SYT2: variants seen among roughly 807,000 people sequenced by gnomAD.
SYT2 encodes synaptotagmin-2.
A neutral mutation model predicts 39.9 loss-of-function variants in SYT2; 15 were observed. The observed-to-expected ratio is 0.38, with a 90% CI of 0.25 to 0.58. The LOEUF is 0.58. Ranked by LOEUF, SYT2 falls within the 20% of genes least tolerant of loss-of-function variation. The probability of loss-of-function intolerance (pLI) is 0.70; values close to 1 mark genes in which losing one functional copy is unlikely to be tolerated. For missense variants in SYT2, 389 were observed against 530.3 expected, an observed-to-expected ratio of 0.73 and a Z score of 2.62; for synonymous variants, 181 against 204.5, an observed-to-expected ratio of 0.89 and a Z score of 0.98.
chr1:202,610,701 C>T (rs1329032704), intron 1 of SYT2, among the ~76,000 whole-genome samples: 1 of 152,182 alleles, frequency 6.6e-6, no homozygotes, highest in East Asian at 1.9e-4. Flanking sequence ...AGAGCCAAAT[C>T]ATGAGTGAAC....
intron 1 of SYT2, among the ~76,000 whole-genome samples, chr1:202,678,802 C>T (rs1322653818): frequency 6.6e-6 from 1 of 152,192 alleles, no homozygotes; most frequent in Admixed American, 6.5e-5. Context: ...CAGATGACCT[C>T]CAGCTACCCA....
At chr1:202,656,583 G>C (rs1254230562) in intron 1 of SYT2, among the ~76,000 whole-genome samples, 1 of 152,204 alleles carries the variant, frequency 6.6e-6, no homozygotes, top group Non-Finnish European at 1.5e-5. Flanking sequence ...TATAAAAGCA[G>C]GAAATAATGC....
At position 202,628,779 on chromosome 1, in the gene SYT2, G is replaced by A. The variant is rs1273289779; in HGVS notation, c.-17-22990C>T. On this transcript the variant is annotated intron_variant, in intron 1 of 8. Transcript: ENST00000367268. This position sits in a 1 kb window ranked among gnomAD's most constrained non-coding sequence, Gnocchi z 4.2. ...TATGTGGATCCAAACCTAGAAGACA[G>A]CTCCGCTGAGGAAGAGGAGCCAAGT... Among the ~76,000 whole-genome samples, 1 of 152,236 alleles carries A rather than the reference G, an allele frequency of 6.6e-6. No homozygotes were observed. Among genetic ancestry groups the A allele is most frequent in the Non-Finnish European group, 1.5e-5 (1 of 68,046 alleles).
intron 1 of SYT2, among the ~76,000 whole-genome samples, chr1:202,706,434 G>A (rs141084817): frequency 3.0e-3 from 452 of 152,202 alleles, no homozygotes; most frequent in Non-Finnish European, 3.9e-3. Flanking sequence ...TACTCCTCCC[G>A]CGCCAGGCAC....
At position 202,590,694 on chromosome 1, in the gene SYT2, T is replaced by C. The variant is rs1465538956; in HGVS notation, c.*6063A>G. The C allele has an allele frequency of 6.6e-6, 1 of 150,736 alleles. No homozygotes were observed. Among genetic ancestry groups the C allele is most frequent in the Non-Finnish European group, 1.5e-5 (1 of 67,828 alleles). 9.3% of individuals were successfully genotyped at this position (150,736 alleles called of 1,614,324 possible). On this transcript the variant is annotated 3_prime_UTR_variant, in exon 9 of 9. Coordinates refer to ENST00000367268, the MANE Select transcript of SYT2 (RefSeq NM_177402.5). ...AGAACAAGAGTCCACATAAGGGAGATGGAGAGCATTGCCAAGCAGAAGTGG... is the reference window on the plus strand; with the variant it reads ...AGAACAAGAGTCCACATAAGGGAGACGGAGAGCATTGCCAAGCAGAAGTGG...
At chr1:202,703,260 C>T (rs1195159456) in intron 1 of SYT2, among the ~76,000 whole-genome samples, 1 of 151,978 alleles carries the variant, frequency 6.6e-6, no homozygotes, top group Non-Finnish European at 1.5e-5. Flanking sequence ...ACCCTCCCAC[C>T]CCCGGCCACC....
At chr1:202,689,294 C>T (rs975190009) in intron 1 of SYT2, among the ~76,000 whole-genome samples, 5 of 152,330 alleles carry the variant, frequency 3.3e-5, no homozygotes, top group South Asian at 2.1e-4. Context: ...AACACAAACA[C>T]GTGTGCACAC....
rs113557665 is a variant in SYT2, at chr1:202,618,910, C to T, written c.-17-13121G>A. 4.8e-3 allele frequency among the ~76,000 whole-genome samples: 734 copies of T among 152,282 alleles called. 3 individuals are homozygous for T. The highest frequency in any genetic ancestry group is 7.6e-3 in the Non-Finnish European group (515 of 68,020). ...AAAAATGTAAAAAGAAGGAAAACAG[C>T]AGGAGCCCTTTCATACCCTGCATGC... On this transcript the variant is annotated intron_variant, in intron 1 of 8. Coordinates refer to ENST00000367268, the MANE Select transcript of SYT2 (RefSeq NM_177402.5).
rs578145487 is a variant in SYT2 at position 202,614,467 on chromosome 1, T to C, written c.-17-8678A>G. Among the ~76,000 whole-genome samples, 8 of 152,348 alleles carry C rather than the reference T, an allele frequency of 5.3e-5. 1 individual carries two copies. The South Asian group carries it at 1.7e-3, about 32-fold the overall frequency. Reference sequence around the variant, plus strand: ...AGAACAGATGTGAGAGACACATTCATTCATTCACTCACTCACTCAAGTATT... The same window carrying C: ...AGAACAGATGTGAGAGACACATTCACTCATTCACTCACTCACTCAAGTATT... On this transcript the variant is annotated intron_variant, in intron 1 of 8. Transcript: ENST00000367268. This position sits in a 1 kb window ranked among gnomAD's most constrained non-coding sequence, Gnocchi z 4.0.
chr1:202,631,967 G>C, intron 1 of SYT2: 2 of 932,202 alleles, frequency 2.1e-6, no homozygotes, highest in Non-Finnish European at 2.6e-6. Context: ...GGCCCTGCTG[G>C]TTCGCCAGGC....
At chr1:202,606,516 C>G (rs1690713901) in intron 1 of SYT2, among the ~76,000 whole-genome samples, 1 of 152,202 alleles carries the variant, frequency 6.6e-6, no homozygotes, top group Admixed American at 6.5e-5. Context: ...CCTCCTCCTG[C>G]CCCGCGAGAC....
intron 1 of SYT2, among the ~76,000 whole-genome samples, chr1:202,608,287 T>C (rs1690774350): frequency 6.6e-6 from 1 of 151,500 alleles, no homozygotes; most frequent in Non-Finnish European, 1.5e-5. Flanking sequence ...GAAAACATTT[T>C]TTTTTTTTTT....
intron 1 of SYT2, among the ~76,000 whole-genome samples, chr1:202,641,790 C>A (rs1691923654): frequency 6.6e-6 from 1 of 152,230 alleles, no homozygotes; most frequent in African/African-American, 2.4e-5. Context: ...TGACATCACC[C>A]TTTAACCTAT....
intron 1 of SYT2, among the ~76,000 whole-genome samples, chr1:202,668,619 C>A (rs1329167279): frequency 1.3e-5 from 2 of 152,194 alleles, no homozygotes; most frequent in Non-Finnish European, 2.9e-5. Context: ...ATTTTATGTG[C>A]ATTATGCTAC....
In SYT2 at chr1:202,593,173, G is replaced by A. The variant is rs946723737; in HGVS notation, c.*3584C>T. 1 of 152,310 alleles carries A rather than the reference G, an allele frequency of 6.6e-6. No individual in the cohort carries two copies. The highest frequency in any genetic ancestry group is 6.5e-5 in the Admixed American group (1 of 15,290). 9.4% of individuals were successfully genotyped at this position (152,310 alleles called of 1,614,324 possible). A position where few individuals can be genotyped will look rare whatever the true frequency, so the allele number is the denominator to read the frequency against. The stretch of plus-strand genomic sequence containing the variant: ...TGGCTCAATCTCTTTCTACCTTTGA[G>A]TGGGAGGGGACACCCTCAGGGACAG... On this transcript the variant is annotated 3_prime_UTR_variant, in exon 9 of 9. Transcript: ENST00000367268.
intron 1 of SYT2, among the ~76,000 whole-genome samples, chr1:202,703,744 G>A (rs748176086): frequency 6.6e-5 from 10 of 151,998 alleles, no homozygotes; most frequent in South Asian, 2.1e-4. Context: ...CAGTCTACTC[G>A]GGTATGGAAA....
chr1:202,656,188 G>A (rs961925584), intron 1 of SYT2, among the ~76,000 whole-genome samples: 6 of 152,048 alleles, frequency 3.9e-5, no homozygotes, highest in Admixed American at 2.6e-4. Flanking sequence ...AGGCACAAAC[G>A]CTCACATGCT....
intron 1 of SYT2, among the ~76,000 whole-genome samples, chr1:202,664,723 G>A (rs141525421): frequency 4.5e-4 from 68 of 152,262 alleles, no homozygotes; most frequent in African/African-American, 1.5e-3. Flanking sequence ...GCAATGGCGC[G>A]ATCTTGGCTC....
intron 1 of SYT2, chr1:202,632,617 A>T: frequency 1.0e-6 from 1 of 984,264 alleles, no homozygotes; most frequent in Non-Finnish European, 1.2e-6. Context: ...AACAGGCTCG[A>T]CTCTTCTCCA....
Sources: gnomAD v4.1 joint callset for allele counts (sites outside exome capture counted in the v4.1 genomes callset) on GRCh38, gnomAD v4.1.1 for gene constraint, Gnocchi (gnomAD v3.1) non-coding constraint, MANE v1.5 for transcripts, NCBI Gene and HGNC (gene_info 2026-07-23, HGNC 2026-07-21) for gene names.